Variants in PKIB observed in about 807,000 individuals in gnomAD.
PKIB encodes the protein cAMP-dependent protein kinase inhibitor beta, also known as PKI-beta.
A neutral mutation model predicts 4.5 loss-of-function variants in PKIB; 2 were observed. The ratio of observed to expected loss-of-function variants is 0.44; its 90% CI spans 0.18 to 1.39. The LOEUF (loss-of-function observed/expected upper bound fraction) is 1.39. Among genes scored for constraint, PKIB ranks in the 40% most tolerant of loss-of-function variants. The pLI is 0.27. For missense variants in PKIB, 94 were observed against 92.6 expected (o/e 1.02, Z -0.06); for synonymous variants, 38 against 36.0 (o/e 1.06, Z -0.20).
chr6:122,543,691 T>C (rs950479035), intron 2 of PKIB, among the ~76,000 whole-genome samples: 1 of 151,966 alleles, frequency 6.6e-6, no homozygotes, highest in Non-Finnish European at 1.5e-5. Context: ...GAATAACTTT[T>C]TAGAAGTAAG....
At chr6:122,715,161 C>T (rs531439649) in intron 3 of PKIB, among the ~76,000 whole-genome samples, 2 of 151,920 alleles carry the variant, frequency 1.3e-5, no homozygotes, top group South Asian at 4.2e-4. Context: ...TTTAAAATGT[C>T]CCATCTTGCT....
intron 2 of PKIB, among the ~76,000 whole-genome samples, chr6:122,501,964 T>G (rs1350225784): frequency 6.6e-6 from 1 of 151,372 alleles, no homozygotes; most frequent in African/African-American, 2.4e-5. Flanking sequence ...TTATTTTATT[T>G]TTTTCGAGAT....
intron 3 of PKIB, among the ~76,000 whole-genome samples, chr6:122,683,558 C>T (rs1285090790): frequency 2.6e-5 from 4 of 152,150 alleles, no homozygotes; most frequent in Non-Finnish European, 4.4e-5. Flanking sequence ...TTACATCAGA[C>T]GTCAATGAGT....
intron 2 of PKIB, among the ~76,000 whole-genome samples, chr6:122,572,164 C>T (rs1346402150): frequency 6.6e-6 from 1 of 151,876 alleles, no homozygotes; most frequent in Non-Finnish European, 1.5e-5. Context: ...TTAGACAAAC[C>T]AGACTTTGAA....
intron 2 of PKIB, among the ~76,000 whole-genome samples, chr6:122,491,184 TC>T (rs1775925095): frequency 6.6e-6 from 1 of 152,152 alleles, no homozygotes; most frequent in African/African-American, 2.4e-5. Flanking sequence ...TTGACATACT[TC>T]CATGGTCTTG....
chr6:122,599,973 ATATATC>A (rs72488702), intron 3 of PKIB, among the ~76,000 whole-genome samples: 83,476 of 146,700 alleles, frequency 0.57, 26,193 homozygotes, highest in Non-Finnish European at 0.72. Context: ...AACTAATAGG[ATATATC>A]TATATCTATA....
intron 2 of PKIB, among the ~76,000 whole-genome samples, chr6:122,633,971 T>TATCTATCC (rs1775808040): frequency 6.6e-6 from 1 of 151,866 alleles, no homozygotes; most frequent in Non-Finnish European, 1.5e-5. Flanking sequence ...TCTATCTATC[T>TATCTATCC]ATCCATCTAT....
intron 1 of PKIB, among the ~76,000 whole-genome samples, chr6:122,473,149 A>G (rs1389529919): frequency 2.0e-5 from 3 of 152,214 alleles, no homozygotes; most frequent in African/African-American, 4.8e-5. Context: ...TACAAACCTA[A>G]CAATATTTTT....
chr6:122,563,401 G>A (rs150800355), intron 2 of PKIB, among the ~76,000 whole-genome samples: 83 of 152,212 alleles, frequency 5.5e-4, no homozygotes, highest in African/African-American at 1.9e-3. Flanking sequence ...AGAGTTCTTA[G>A]CTTTAGTGGT....
intron 2 of PKIB, among the ~76,000 whole-genome samples, chr6:122,660,817 G>A (rs190013196): frequency 4.6e-4 from 70 of 152,212 alleles, no homozygotes; most frequent in Admixed American, 2.5e-3. Context: ...TTGTAAATGA[G>A]AGAGAAAACC....
At chr6:122,702,668 A>G (rs968566920) in intron 3 of PKIB, among the ~76,000 whole-genome samples, 3 of 152,130 alleles carry the variant, frequency 2.0e-5, no homozygotes, top group African/African-American at 7.2e-5. Context: ...CAAATCACGA[A>G]GCAACCAAAG....
At chr6:122,507,230 G>C (rs1231438155) in intron 2 of PKIB, among the ~76,000 whole-genome samples, 1 of 152,050 alleles carries the variant, frequency 6.6e-6, no homozygotes, top group Non-Finnish European at 1.5e-5. Context: ...ATGTAAAGAG[G>C]GGGAACTGAT....
intron 3 of PKIB, among the ~76,000 whole-genome samples, chr6:122,714,850 C>T (rs1008470245): frequency 1.1e-4 from 17 of 152,142 alleles, no homozygotes; most frequent in African/African-American, 2.4e-4. Context: ...GGCGCAGTCT[C>T]GGCTCACTGC....
At chr6:122,475,424 C>T (rs937691350) in intron 1 of PKIB, among the ~76,000 whole-genome samples, 13 of 152,084 alleles carry the variant, frequency 8.5e-5, no homozygotes, top group African/African-American at 2.9e-4. Context: ...GAGACTGAGG[C>T]AGGAGGATAG....
At chr6:122,671,809 A>T (rs1243716335) in intron 2 of PKIB, among the ~76,000 whole-genome samples, 1 of 152,186 alleles carries the variant, frequency 6.6e-6, no homozygotes, top group Non-Finnish European at 1.5e-5. Context: ...TGTGCTTCAG[A>T]CCTGATAGAT....
intron 3 of PKIB, among the ~76,000 whole-genome samples, chr6:122,691,316 C>T (rs1454764619): frequency 6.6e-6 from 1 of 152,010 alleles, no homozygotes. Flanking sequence ...GCCAATAACT[C>T]TTAGATTTGC....
At chr6:122,663,838 G>C (rs528560552) in intron 2 of PKIB, among the ~76,000 whole-genome samples, 134 of 152,104 alleles carry the variant, frequency 8.8e-4, no homozygotes, top group Admixed American at 2.1e-3. Flanking sequence ...TATTTTCGGG[G>C]GAAACGATGC....
intron 2 of PKIB, among the ~76,000 whole-genome samples, chr6:122,640,418 A>AT (rs945523802): frequency 9.9e-5 from 15 of 152,148 alleles, no homozygotes; most frequent in African/African-American, 3.1e-4. Flanking sequence ...TGCTGGAAAG[A>AT]TTTTTTTTAG....
chr6:122,495,757 T>C lies in PKIB; in HGVS notation c.-248+17818T>C, dbSNP rs73545260. Among the ~76,000 whole-genome samples the C allele has an allele frequency of 5.0e-3, 768 of 152,266 alleles. 5 individuals are homozygous for C. Among genetic ancestry groups the C allele is most frequent in the African/African-American group, 0.017 (716 of 41,558 alleles). ...TATAAGAAGCGGAAGTACTCTCACA[T>C]TGGAGAACAGGAGAGCCAGGAAGCT... On this transcript the variant is annotated intron_variant, in intron 2 of 6. Coordinates refer to the PKIB transcript ENST00000392491.
Sources: allele counts gnomAD v4.1 joint callset (sites outside exome capture counted in the v4.1 genomes callset), GRCh38; gene constraint gnomAD v4.1.1; transcripts MANE v1.5; gene names NCBI Gene and HGNC (gene_info 2026-07-23, HGNC 2026-07-21).